ZNF510: variants seen among roughly 807,000 people sequenced by gnomAD.
ZNF510 encodes zinc finger protein 510.
In ZNF510, 15 loss-of-function variants were observed where a neutral mutation model predicts 18.1. That is an observed-to-expected ratio of 0.83 (90% CI 0.55 to 1.28). ZNF510 has a LOEUF of 1.28. Ranked by LOEUF, ZNF510 falls within the 50% of genes most tolerant of loss-of-function variation. ZNF510 has a pLI of 0.00. For synonymous variants in ZNF510, 261 were observed against 266.4 expected (o/e 0.98, Z 0.20); for missense variants, 724 against 791.8 (o/e 0.91, Z 1.03).
rs1195490664 is a variant in ZNF510, at chr9:96,758,193, T to C, written c.*585A>G. On this transcript the variant is annotated 3_prime_UTR_variant, in exon 6 of 6. Coordinates refer to ENST00000223428, the MANE Select transcript of ZNF510 (RefSeq NM_014930.3). ...CTGGGAAAGACACAGAAGAGGAGAA[T>C]TTTGCTGCGTGTATTCATTCAGGCA... 2 of 152,218 alleles carry C rather than the reference T, an allele frequency of 1.3e-5. No individual in the cohort carries two copies. The highest frequency in any genetic ancestry group is 4.8e-5 in the African/African-American group (2 of 41,438). The allele number at this position is 152,218 out of a possible 1,614,324, so 9.4% of individuals were successfully genotyped here.
chr9:96,772,048 T>C (rs953662892), intron 3 of ZNF510, among the ~76,000 whole-genome samples: 1 of 152,264 alleles, frequency 6.6e-6, no homozygotes, highest in Middle Eastern at 3.4e-3. Context: ...ACAGTAATTA[T>C]GACAGTGAAG....
Position 96,759,152 on chromosome 9 carries a change from T to G in ZNF510, c.1678A>C (p.Ile560Leu). ...CCCGTGTGAGTTTTCTGATGTTGAA[T>G]GAGATGATCTTTTCGCCAGAAGGAT... ...EKSFWRKDHLIQHQKTHTGEK... is the reference protein window; with the variant it reads ...EKSFWRKDHLLQHQKTHTGEK... The change falls in exon 6 of 6, where the codon ATT becomes CTT. Residue 560 changes from isoleucine to leucine, a missense_variant. Physicochemically the swap from Ile to Leu is conservative, Grantham distance 5. Coordinates refer to ENST00000223428, the MANE Select transcript of ZNF510 (RefSeq NM_014930.3). 1 of 1,614,162 alleles carries G rather than the reference T, an allele frequency of 6.2e-7. No homozygotes were observed. The highest frequency in any genetic ancestry group is 1.1e-5 in the South Asian group (1 of 91,078).
intron 3 of ZNF510, among the ~76,000 whole-genome samples, chr9:96,768,168 C>T (rs1420322107): frequency 6.6e-6 from 1 of 152,172 alleles, no homozygotes; most frequent in Non-Finnish European, 1.5e-5. Flanking sequence ...AATATCCTTT[C>T]ATGATAAAAA....
intron 5 of ZNF510, among the ~76,000 whole-genome samples, chr9:96,762,061 G>A (rs552317987): frequency 6.6e-6 from 1 of 151,974 alleles, no homozygotes; most frequent in Admixed American, 6.5e-5. Context: ...CTTAGGGTGG[G>A]AAGGGGGACT....
rs199701361 is a variant in ZNF510, at chr9:96,775,065, G to GT, written c.71-220dup. 2.6e-3 allele frequency among the ~76,000 whole-genome samples: 365 copies of GT among 138,928 alleles called. 2 individuals carry two copies. Among genetic ancestry groups the GT allele is most frequent in the Middle Eastern group, 7.2e-3 (2 of 276 alleles). 91.1% of individuals were successfully genotyped at this position (138,928 alleles called of 152,430 possible). A position where few individuals can be genotyped will look rare whatever the true frequency, so the allele number is the denominator to read the frequency against. Reference sequence around the variant, plus strand: ...CCTTGCTGTGTGTGTGTGTTTTTTTGTTTTTTTTTTTTGAGACAGGATCTG... The same window carrying GT: ...CCTTGCTGTGTGTGTGTGTTTTTTTGTTTTTTTTTTTTTGAGACAGGATCTG... On this transcript the variant is annotated intron_variant, in intron 2 of 5. Coordinates refer to ENST00000223428, the MANE Select transcript of ZNF510 (RefSeq NM_014930.3).
chr9:96,761,294 C>T (rs532755146), intron 5 of ZNF510, among the ~76,000 whole-genome samples: 1 of 152,110 alleles, frequency 6.6e-6, no homozygotes, highest in Non-Finnish European at 1.5e-5. Flanking sequence ...AATAGGGTAT[C>T]ACAGAAAGTT....
intron 3 of ZNF510, among the ~76,000 whole-genome samples, chr9:96,766,499 T>C (rs1849476011): frequency 6.6e-6 from 1 of 152,072 alleles, no homozygotes; most frequent in Non-Finnish European, 1.5e-5. Context: ...AGAGACTGTA[T>C]CTCTCACAAA....
At chr9:96,763,313 G>A (rs1849399042) in intron 4 of ZNF510, 100 bp from the exon 5 acceptor site, 1 of 1,375,482 alleles carries the variant, frequency 7.3e-7, no homozygotes, top group Admixed American at 1.8e-5. Context: ...TCCTGAAAGT[G>A]CTCCTTTGCA....
chr9:96,759,814 T>G lies in ZNF510; in HGVS notation c.1016A>C (p.Asn339Thr). ...TCTGTTGAAATTATTTCCACTTGGA[T>G]TTAATTCATAATGTTTTATACCCAT... ...LNMGIKHYEL[N>T]PSGNNFNRKA... is the part of the protein sequence containing the mutation. Residue 339 changes from asparagine (N) to threonine (T), a missense_variant, in exon 6 of 6, where the codon AAT (asparagine) becomes ACT (threonine). Physicochemically the swap from Asn to Thr is moderately conservative, Grantham distance 65. Coordinates refer to ENST00000223428, the MANE Select transcript of ZNF510 (RefSeq NM_014930.3). 1 of 1,613,840 alleles carries G rather than the reference T, an allele frequency of 6.2e-7. No individual in the cohort carries two copies. Among genetic ancestry groups the G allele is most frequent in the South Asian group, 1.1e-5 (1 of 91,084 alleles).
intron 3 of ZNF510, among the ~76,000 whole-genome samples, chr9:96,773,580 GTTT>G (rs911489441): frequency 1.6e-4 from 23 of 143,340 alleles, no homozygotes. Context: ...GTTGACATCT[GTTT>G]TTTTTTTTTT....
chr9:96,768,597 A>G (rs756657990), intron 3 of ZNF510, among the ~76,000 whole-genome samples: 8 of 152,124 alleles, frequency 5.3e-5, no homozygotes, highest in Admixed American at 2.0e-4. Context: ...TCCACTTACA[A>G]TAGAACAAAA....
In ZNF510 at chr9:96,766,468, G is replaced by A. The variant is rs554304156; in HGVS notation, c.130-2836C>T. Among the ~76,000 whole-genome samples the A allele has an allele frequency of 6.0e-5, 9 of 150,862 alleles. No individual in the cohort carries two copies. In the South Asian group the frequency reaches 1.5e-3, roughly 24 times the overall value. ...TCTATGGCTGCTTAACACTACAGCT[G>A]CAGAGTTTGGTAGATGCAACAGAGA... On this transcript the variant is annotated intron_variant, in intron 3 of 5. Transcript: ENST00000223428.
At chr9:96,769,539 G>C (rs1849543838) in intron 3 of ZNF510, among the ~76,000 whole-genome samples, 1 of 151,910 alleles carries the variant, frequency 6.6e-6, no homozygotes, top group Non-Finnish European at 1.5e-5. Flanking sequence ...TTATGACCTT[G>C]GATTTGGCAA....
chr9:96,770,493 T>C (rs1019302858), intron 3 of ZNF510, among the ~76,000 whole-genome samples: 2 of 151,408 alleles, frequency 1.3e-5, no homozygotes, highest in Admixed American at 1.3e-4. Context: ...TCCCAGCTAC[T>C]TGGGAGGCTG....
At chr9:96,767,080 C>T (rs1849488887) in intron 3 of ZNF510, among the ~76,000 whole-genome samples, 1 of 152,124 alleles carries the variant, frequency 6.6e-6, no homozygotes, top group African/African-American at 2.4e-5. Context: ...ATAATTCCAG[C>T]ACTTTGGGAG....
At chr9:96,768,653 T>C (rs1011425411) in intron 3 of ZNF510, among the ~76,000 whole-genome samples, 42 of 152,182 alleles carry the variant, frequency 2.8e-4, no homozygotes, top group Non-Finnish European at 8.8e-5. Flanking sequence ...ACATGACTTA[T>C]ACGTGAACAC....
At chr9:96,773,305 A>C (rs1222746439) in intron 3 of ZNF510, among the ~76,000 whole-genome samples, 1 of 152,236 alleles carries the variant, frequency 6.6e-6, no homozygotes, top group Non-Finnish European at 1.5e-5. Flanking sequence ...TCTCAGTTAA[A>C]GAACTAAGTT....
chr9:96,762,491 A>G (rs2117957354), intron 5 of ZNF510, among the ~76,000 whole-genome samples: 1 of 148,832 alleles, frequency 6.7e-6, no homozygotes, highest in African/African-American at 2.6e-5. Flanking sequence ...CCTGAGTGAC[A>G]GAGGGAGACT....
rs749835309 is a variant in ZNF510, at chr9:96,758,959, CCT to C, written c.1869_1870del (p.Lys626ThrfsTer5). 99 of 1,613,930 alleles carry C rather than the reference CCT, an allele frequency of 6.1e-5. No individual in the cohort carries two copies. The highest frequency in any genetic ancestry group is 7.7e-5 in the Non-Finnish European group (91 of 1,179,990). On this transcript the variant is annotated frameshift_variant, in exon 6 of 6. Transcript: ENST00000223428. LOFTEE classifies it low-confidence loss of function (END_TRUNC). Reference sequence around the variant, plus strand: ...TTTATTACACTGAAAGGGTTTCTCCCCTGTGTGAATTCTCTGATGATCACTAA... The same window carrying C: ...TTTATTACACTGAAAGGGTTTCTCCCGTGTGAATTCTCTGATGATCACTAA...
Sources: gnomAD v4.1 joint callset for allele counts (sites outside exome capture counted in the v4.1 genomes callset) on GRCh38, gnomAD v4.1.1 for gene constraint, MANE v1.5 for transcripts, NCBI Gene and HGNC (gene_info 2026-07-23, HGNC 2026-07-21) for gene names.